Variants in SVEP1 observed in about 807,000 individuals in gnomAD.
SVEP1 encodes the protein sushi, von Willebrand factor type A, EGF and pentraxin domain-containing protein 1.
SVEP1 carries 164 observed loss-of-function variants against 367.3 expected under a neutral mutation model. The ratio of observed to expected loss-of-function variants is 0.45; its 90% CI spans 0.39 to 0.51. The LOEUF (loss-of-function observed/expected upper bound fraction) is 0.51, where lower values mean the gene tolerates loss of function less well. Among genes scored for constraint, SVEP1 ranks in the 20% least tolerant of loss-of-function variants. The pLI is 0.00. For synonymous variants in SVEP1, 1,666 were observed against 1,611.6 expected (o/e 1.03, Z -0.81); for missense variants, 4,117 against 4,425.3 (o/e 0.93, Z 1.98).
At chr9:110,513,603 G>C (rs1211528043) in intron 4 of SVEP1, among the ~76,000 whole-genome samples, 1 of 152,118 alleles carries the variant, frequency 6.6e-6, no homozygotes, top group Non-Finnish European at 1.5e-5. Context: ...AGATAAATGT[G>C]ACTATCTCCA....
At chr9:110,539,518 A>G (rs1043767289) in intron 3 of SVEP1, among the ~76,000 whole-genome samples, 4 of 152,018 alleles carry the variant, frequency 2.6e-5, no homozygotes, top group African/African-American at 9.7e-5. Context: ...GTTGAACAAT[A>G]TGAAGATGCT....
At chr9:110,541,440 T>C (rs1168778977) in intron 3 of SVEP1, among the ~76,000 whole-genome samples, 1 of 152,150 alleles carries the variant, frequency 6.6e-6, no homozygotes, top group Non-Finnish European at 1.5e-5. Flanking sequence ...GGCTCTTTAC[T>C]AGGTGCAAGG....
At chr9:110,406,104 A>T in intron 38 of SVEP1, 56 bp downstream of exon 38, 1 of 1,502,502 alleles carries the variant, frequency 6.7e-7, no homozygotes. Context: ...GATCGATCAC[A>T]TTTCATTTCA....
chr9:110,547,246 T>C (rs1048238259), intron 2 of SVEP1, among the ~76,000 whole-genome samples: 1 of 152,036 alleles, frequency 6.6e-6, no homozygotes, highest in Non-Finnish European at 1.5e-5. Context: ...CTCCTTCCAA[T>C]AGACTGTGGT....
At chr9:110,382,500 T>C (rs1827453094) in intron 43 of SVEP1, among the ~76,000 whole-genome samples, 1 of 152,168 alleles carries the variant, frequency 6.6e-6, no homozygotes, top group African/African-American at 2.4e-5. Flanking sequence ...CCTTAACATT[T>C]TTTCCTTCAT....
intron 3 of SVEP1, among the ~76,000 whole-genome samples, chr9:110,516,438 T>C (rs12708288): frequency 0.31 from 47,391 of 151,686 alleles, 7,657 homozygotes; most frequent in Middle Eastern, 0.52. Flanking sequence ...AAAATAGTAA[T>C]AATGATATAA....
chr9:110,407,652 G>C lies in SVEP1; in HGVS notation c.7948C>G (p.Pro2650Ala). ...GCCACTGCTCCCAAATGATAAGGAGGGTGAGGAGTCACATATGGAACTTCC... is the reference window on the plus strand; with the variant it reads ...GCCACTGCTCCCAAATGATAAGGAGCGTGAGGAGTCACATATGGAACTTCC... ...MMEVPYVTPH[P>A]PYHLGAVAKT... is the part of the protein sequence containing the mutation. Residue 2650 changes from proline to alanine, a missense_variant, in exon 38 of 48, where the codon CCT becomes GCT. This residue lies in a region of SVEP1 where 1,765 missense variants were observed against 1,781.1 expected (regional missense o/e 0.99). Coordinates refer to ENST00000374469, the MANE Select transcript of SVEP1 (RefSeq NM_153366.4). 10 of 1,613,918 alleles carry C rather than the reference G, an allele frequency of 6.2e-6. No individual in the cohort carries two copies. The highest frequency in any genetic ancestry group is 8.5e-6 in the Non-Finnish European group (10 of 1,179,860).
intron 40 of SVEP1, among the ~76,000 whole-genome samples, chr9:110,394,783 A>G (rs896549310): frequency 1.5e-4 from 23 of 152,166 alleles, no homozygotes; most frequent in African/African-American, 5.1e-4. Flanking sequence ...GAAATGAAGC[A>G]AGAAGAGAAG....
At chr9:110,504,620 A>C (rs1829594650) in intron 5 of SVEP1, among the ~76,000 whole-genome samples, 1 of 152,238 alleles carries the variant, frequency 6.6e-6, no homozygotes, top group Non-Finnish European at 1.5e-5. Context: ...AGTTAAAAGA[A>C]AAATGAAGCC....
Position 110,455,709 on chromosome 9 carries a change from A to G in SVEP1, c.3674-6T>C, listed in dbSNP as rs373017514. The G allele has an allele frequency of 4.4e-5, 71 of 1,604,612 alleles. 2 individuals carry two copies. In the Middle Eastern group the frequency reaches 9.9e-4, roughly 22 times the overall value. ...GTCTGTTTCACACTTTAAGCCTACA[A>G]TGTAAACCAAATGCTGAGGGACAAT... On this transcript the variant is annotated splice_region_variant and splice_polypyrimidine_tract_variant and intron_variant, in intron 21 of 47. Coordinates refer to ENST00000374469, the MANE Select transcript of SVEP1 (RefSeq NM_153366.4).
chr9:110,382,210 C>A (rs961476078), intron 43 of SVEP1, among the ~76,000 whole-genome samples: 41 of 152,092 alleles, frequency 2.7e-4, no homozygotes, highest in African/African-American at 9.2e-4. Flanking sequence ...TTTGTAGCGG[C>A]TGGTAACAAT....
chr9:110,428,723 CTCA>C (rs931019920), intron 35 of SVEP1, among the ~76,000 whole-genome samples: 1 of 152,026 alleles, frequency 6.6e-6, no homozygotes, highest in African/African-American at 2.4e-5. Flanking sequence ...TGAGAACATC[CTCA>C]TATTTATAAA....
chr9:110,468,226 A>G (rs1202367491), intron 17 of SVEP1, among the ~76,000 whole-genome samples: 1 of 152,266 alleles, frequency 6.6e-6, no homozygotes, highest in Non-Finnish European at 1.5e-5. Context: ...CCAAAAGGAA[A>G]GCTAAATGGA....
intron 36 of SVEP1, among the ~76,000 whole-genome samples, chr9:110,425,694 A>G (rs561827665): frequency 3.3e-5 from 5 of 152,366 alleles, no homozygotes; most frequent in Middle Eastern, 3.4e-3. Flanking sequence ...GATAAACGTT[A>G]GGCAGACATA....
intron 8 of SVEP1, among the ~76,000 whole-genome samples, chr9:110,491,670 C>G (rs992759775): frequency 6.6e-6 from 1 of 150,518 alleles, no homozygotes; most frequent in Non-Finnish European, 1.5e-5. Context: ...CAGGAAATTA[C>G]ATCAGGGATA....
chr9:110,443,316 C>G, intron 27 of SVEP1: 1 of 425,670 alleles, frequency 2.3e-6, no homozygotes, highest in Non-Finnish European at 4.1e-6. Flanking sequence ...TCTTGGTAGT[C>G]TTAATGTAGA....
At chr9:110,548,132 A>G (rs1027867450) in intron 2 of SVEP1, among the ~76,000 whole-genome samples, 5 of 152,182 alleles carry the variant, frequency 3.3e-5, no homozygotes, top group Non-Finnish European at 7.3e-5. Context: ...TTCCCTCTTA[A>G]CATATCACTT....
chr9:110,406,336 G>A lies in SVEP1; in HGVS notation c.9264C>T (p.Tyr3088=). 1.9e-6 allele frequency: 3 copies of A among 1,614,074 alleles called. No homozygotes were observed. The highest frequency in any genetic ancestry group is 1.1e-5 in the South Asian group (1 of 91,086). The change falls in exon 38 of 48, where the codon TAC becomes TAT. Residue 3088 remains tyrosine, a synonymous_variant. Transcript: ENST00000374469. ...GTATGACATATCCAGACCTGCAGCT[G>A]TAAGTTATCACATTTTCCTTCCAAG... is the stretch of plus-strand genomic sequence containing the variant. ...TSSWKENVIT[Y]SCRSGYVIQG...
At chr9:110,404,697 T>A in intron 38 of SVEP1, 145 bp from the exon 39 acceptor site, 1 of 775,428 alleles carries the variant, frequency 1.3e-6, no homozygotes, top group South Asian at 1.7e-5. Flanking sequence ...GTCAGGCGGA[T>A]GGCATTGCCA....
Sources: allele counts gnomAD v4.1 joint callset (sites outside exome capture counted in the v4.1 genomes callset), GRCh38; gene constraint gnomAD v4.1.1; regional missense constraint gnomAD v4.1.1; transcripts MANE v1.5; gene names NCBI Gene and HGNC (gene_info 2026-07-23, HGNC 2026-07-21).